COL23A1: variants seen among roughly 807,000 people sequenced by gnomAD.
The protein encoded by COL23A1 is collagen alpha-1(XXIII) chain.
COL23A1 carries 97 observed loss-of-function variants against 99.3 expected under a neutral mutation model. That is an observed-to-expected ratio of 0.98 (90% CI 0.83 to 1.16). COL23A1 has a LOEUF of 1.16. Ranked by LOEUF, COL23A1 falls within the 50% of genes most tolerant of loss-of-function variation. The pLI is 0.00. For synonymous variants in COL23A1, 320 were observed against 308.2 expected, an observed-to-expected ratio of 1.04 and a Z score of -0.40; for missense variants, 762 against 757.4, an observed-to-expected ratio of 1.01 and a Z score of -0.07.
At chr5:178,311,484 C>CTGTGTGTGTGTGTGTG (rs1006253790) in intron 2 of COL23A1, among the ~76,000 whole-genome samples, 26 of 58,188 alleles carry the variant, frequency 4.5e-4, no homozygotes, top group African/African-American at 1.4e-3. Context: ...GTTCTTTCCT[C>CTGTGTGTGTGTGTGTG]TGTGTGTGTG....
chr5:178,285,207 T>C (rs1256566302), intron 5 of COL23A1, among the ~76,000 whole-genome samples: 2 of 152,128 alleles, frequency 1.3e-5, no homozygotes, highest in Non-Finnish European at 2.9e-5. Flanking sequence ...GGTCCACACA[T>C]GGACCTGGTT....
At chr5:178,493,657 AAG>A (rs1324982362) in intron 2 of COL23A1, among the ~76,000 whole-genome samples, 4 of 152,270 alleles carry the variant, frequency 2.6e-5, no homozygotes, top group Non-Finnish European at 5.9e-5. Flanking sequence ...AGTTCAAGGA[AAG>A]AGTTTTCTCT....
intron 2 of COL23A1, among the ~76,000 whole-genome samples, chr5:178,459,120 G>A (rs904139063): frequency 6.6e-6 from 1 of 152,214 alleles, no homozygotes; most frequent in Non-Finnish European, 1.5e-5. Context: ...ACTGGATCCT[G>A]ATTCAAACCA....
rs545616777 is a variant in COL23A1, at chr5:178,516,655, G to A, written c.361+44027C>T. On this transcript the variant is annotated intron_variant, in intron 2 of 28. Transcript: ENST00000390654. Reference sequence around the variant, plus strand: ...TGTTTGGTCTGACTAGAGAAGATGTGCATTTATCCACTTGCCAATTCCTGC... The same window carrying A: ...TGTTTGGTCTGACTAGAGAAGATGTACATTTATCCACTTGCCAATTCCTGC... Among the ~76,000 whole-genome samples the A allele has an allele frequency of 7.2e-5, 11 of 152,324 alleles. No homozygotes were observed. In the South Asian group the frequency reaches 1.5e-3, roughly 20 times the overall value.
intron 2 of COL23A1, among the ~76,000 whole-genome samples, chr5:178,419,486 C>T (rs530787777): frequency 3.9e-4 from 59 of 152,308 alleles, no homozygotes; most frequent in Non-Finnish European, 7.1e-4. Flanking sequence ...CTTTAATCTG[C>T]ACAGCAAACC....
At chr5:178,502,201 G>C (rs664185) in intron 2 of COL23A1, among the ~76,000 whole-genome samples, 1 of 151,988 alleles carries the variant, frequency 6.6e-6, no homozygotes, top group African/African-American at 2.4e-5. Context: ...GCGTGATCTC[G>C]GCCCACTGCA....
intron 2 of COL23A1, among the ~76,000 whole-genome samples, chr5:178,334,436 A>T (rs7720589): frequency 6.6e-6 from 1 of 151,988 alleles, no homozygotes; most frequent in Admixed American, 6.6e-5. Flanking sequence ...CGGCCGGCAC[A>T]GGCCACCCTC....
In COL23A1 at chr5:178,358,260, A is replaced by ATG. The variant is rs1554145323; in HGVS notation, c.362-51342_362-51341insCA. On this transcript the variant is annotated intron_variant, in intron 2 of 28. Transcript: ENST00000390654. ...TGTGTATGTGTATGTGTGTGTATGT[A>ATG]TATGTGTGTATATGTGTGTATGCGT... 5.0e-5 allele frequency among the ~76,000 whole-genome samples: 6 copies of ATG among 119,480 alleles called. No individual in the cohort carries two copies. In the South Asian group the frequency reaches 8.3e-4, roughly 17 times the overall value. The allele number at this position is 119,480 out of a possible 152,430, so 78.4% of individuals were successfully genotyped here.
rs544042020 is a variant in COL23A1, at chr5:178,428,210, A to G, written c.362-121291T>C. Among the ~76,000 whole-genome samples the G allele has an allele frequency of 6.6e-6, 1 of 152,310 alleles. No homozygotes were observed. Among genetic ancestry groups the G allele is most frequent in the East Asian group, 1.9e-4 (1 of 5,184 alleles). On this transcript the variant is annotated intron_variant, in intron 2 of 28. Transcript: ENST00000390654. The surrounding 1 kb of genome is among the most constrained non-coding windows in gnomAD (Gnocchi z 5.0). ...CTGAGCAATCGTGTCCCCTTAGGTG[A>G]CCAAGCCTTCTGCTGTGGGCTCCCC...
At chr5:178,297,890 G>A (rs1757831190) in intron 3 of COL23A1, among the ~76,000 whole-genome samples, 1 of 152,178 alleles carries the variant, frequency 6.6e-6, no homozygotes, top group Non-Finnish European at 1.5e-5. Context: ...TTGTGCTGTG[G>A]CTGCCACAGC....
rs1354317946 is a variant in COL23A1 at position 178,523,087 on chromosome 5, G to A, written c.361+37595C>T. On this transcript the variant is annotated intron_variant, in intron 2 of 28. Transcript: ENST00000390654. ...AGGCTGAGGCAGGCAGATCACCTGA[G>A]GTCAGGAGTTCAAGACCAGCCTGAC... 4.7e-5 allele frequency among the ~76,000 whole-genome samples: 7 copies of A among 149,528 alleles called. No individual in the cohort carries two copies. In the Admixed American group the frequency reaches 4.7e-4, roughly 10 times the overall value.
intron 6 of COL23A1, among the ~76,000 whole-genome samples, chr5:178,269,450 TCCAC>T (rs1756127102): frequency 3.5e-5 from 3 of 86,498 alleles, no homozygotes; most frequent in African/African-American, 1.4e-4. Context: ...CATCCACCCA[TCCAC>T]CCATCCATCC....
In COL23A1 at chr5:178,306,702, T is replaced by C. The variant is rs577575288; in HGVS notation, c.406+173A>G. On this transcript the variant is annotated intron_variant, in intron 3 of 28. Transcript: ENST00000390654. The surrounding 1 kb of genome is among the most constrained non-coding windows in gnomAD (Gnocchi z 4.1). ...CCAAGAAGCCCCGGAAAGGCAGTAC[T>C]GGGTGCTGCGGCCTCAGGAAACGGC... 2.2e-3 allele frequency among the ~76,000 whole-genome samples: 335 copies of C among 152,018 alleles called. 3 individuals carry two copies. The highest frequency in any genetic ancestry group is 0.022 in the South Asian group (105 of 4,808).
At chr5:178,377,728 G>A (rs370619936) in intron 2 of COL23A1, among the ~76,000 whole-genome samples, 1 of 152,180 alleles carries the variant, frequency 6.6e-6, no homozygotes, top group African/African-American at 2.4e-5. Context: ...GTCTGTCACC[G>A]GGAGGCCGAG....
At chr5:178,515,055 G>A (rs1344212560) in intron 2 of COL23A1, among the ~76,000 whole-genome samples, 3 of 152,230 alleles carry the variant, frequency 2.0e-5, no homozygotes, top group Non-Finnish European at 4.4e-5. Flanking sequence ...GAAAGTTGAC[G>A]CAGGTTGGAA....
At chr5:178,491,649 G>A (rs964019056) in intron 2 of COL23A1, among the ~76,000 whole-genome samples, 1 of 152,114 alleles carries the variant, frequency 6.6e-6, no homozygotes, top group Non-Finnish European at 1.5e-5. Context: ...CCTGGGGCAA[G>A]GGAGATTCCA....
intron 2 of COL23A1, among the ~76,000 whole-genome samples, chr5:178,467,108 TGAGAC>T (rs1238037353): frequency 6.6e-6 from 1 of 152,258 alleles, no homozygotes; most frequent in East Asian, 1.9e-4. Flanking sequence ...GAAGGTGAGT[TGAGAC>T]ATGTGGACTG....
intron 2 of COL23A1, among the ~76,000 whole-genome samples, chr5:178,551,051 G>A (rs1360923729): frequency 2.2e-5 from 2 of 90,938 alleles, no homozygotes; most frequent in East Asian, 9.3e-4. Flanking sequence ...CATTTTTGGA[G>A]AGAAACACCA....
intron 2 of COL23A1, among the ~76,000 whole-genome samples, chr5:178,400,499 AT>A: frequency 6.6e-6 from 1 of 151,234 alleles, no homozygotes; most frequent in Middle Eastern, 3.5e-3. Context: ...CTGTAGGAGG[AT>A]CTGTTCTCTG....
Sources: allele counts gnomAD v4.1 joint callset (sites outside exome capture counted in the v4.1 genomes callset), GRCh38; gene constraint gnomAD v4.1.1; non-coding constraint Gnocchi (gnomAD v3.1); transcripts MANE v1.5; gene names NCBI Gene and HGNC (gene_info 2026-07-23, HGNC 2026-07-21).